The following MDFIC2 variants were observed in gnomAD, a reference collection of about 807,000 sequenced individuals.
MDFIC2 encodes myoD family inhibitor domain-containing protein 2.
chr3:70,281,001 G>T (rs533047178), intron 2 of MDFIC2, among the ~76,000 whole-genome samples: 1 of 152,124 alleles, frequency 6.6e-6, no homozygotes, highest in Admixed American at 6.5e-5. Context: ...TTAAACTTAC[G>T]TATAAAAAAA....
intron 2 of MDFIC2, among the ~76,000 whole-genome samples, chr3:70,230,790 C>T (rs1186335941): frequency 1.3e-5 from 2 of 152,160 alleles, no homozygotes; most frequent in African/African-American, 4.8e-5. Flanking sequence ...ATGGTGAGAC[C>T]AAGGTCCAAA....
intron 2 of MDFIC2, among the ~76,000 whole-genome samples, chr3:70,272,705 T>C (rs914578836): frequency 6.6e-6 from 1 of 152,222 alleles, no homozygotes. Flanking sequence ...TGATTTTAGA[T>C]AGAGTACATT....
At chr3:70,306,425 T>A (rs1280586663) in intron 2 of MDFIC2, among the ~76,000 whole-genome samples, 1 of 152,230 alleles carries the variant, frequency 6.6e-6, no homozygotes, top group Non-Finnish European at 1.5e-5. Context: ...ATCGTTTTTA[T>A]ATCATCAAAG....
chr3:70,223,626 A>C (rs1701478990), intron 2 of MDFIC2, among the ~76,000 whole-genome samples: 1 of 152,106 alleles, frequency 6.6e-6, no homozygotes, highest in South Asian at 2.1e-4. Flanking sequence ...CTTACAGGCT[A>C]TTTCCTGGTA....
rs1486150453 is a variant in MDFIC2 at position 70,291,588 on chromosome 3, A to G, written c.88+20298T>C. ...GGGACAATATGTTAATACTTAGCACAGTGCTGGGAACATCGGATCCACAAA... is the reference window on the plus strand; with the variant it reads ...GGGACAATATGTTAATACTTAGCACGGTGCTGGGAACATCGGATCCACAAA... On this transcript the variant is annotated intron_variant, in intron 2 of 3. Coordinates refer to ENST00000567252, the MANE Select transcript of MDFIC2 (RefSeq NM_001364677.1). Among the ~76,000 whole-genome samples, 3 of 152,160 alleles carry G rather than the reference A, an allele frequency of 2.0e-5. No individual in the cohort carries two copies. In the East Asian group the frequency reaches 5.8e-4, roughly 29 times the overall value.
intron 2 of MDFIC2, among the ~76,000 whole-genome samples, chr3:70,268,515 A>C: frequency 6.7e-6 from 1 of 150,012 alleles, no homozygotes; most frequent in Non-Finnish European, 1.5e-5. Context: ...AGAATGGTGC[A>C]TTTGTTACAA....
At chr3:70,273,574 A>G (rs1701994689) in intron 2 of MDFIC2, among the ~76,000 whole-genome samples, 1 of 152,220 alleles carries the variant, frequency 6.6e-6, no homozygotes, top group Non-Finnish European at 1.5e-5. Flanking sequence ...CTATGAGGAC[A>G]TTAAAAAAAA....
intron 3 of MDFIC2, among the ~76,000 whole-genome samples, chr3:70,203,067 G>A (rs892057007): frequency 6.6e-6 from 1 of 152,012 alleles, no homozygotes; most frequent in African/African-American, 2.4e-5. Flanking sequence ...CTGAGCTGCT[G>A]AAGCACACCT....
chr3:70,276,852 C>T lies in MDFIC2; in HGVS notation c.88+35034G>A, dbSNP rs73836212. 2.8e-3 allele frequency among the ~76,000 whole-genome samples: 420 copies of T among 152,272 alleles called. 2 individuals carry two copies. The highest frequency in any genetic ancestry group is 9.4e-3 in the African/African-American group (389 of 41,536). On this transcript the variant is annotated intron_variant, in intron 2 of 3. Transcript: ENST00000567252. ...CCAACACAGAAAAAAATTGACAAAT[C>T]CTTCAAATTAGATTGTAGTTTTGTC...
chr3:70,226,914 A>T (rs569122567), intron 2 of MDFIC2, among the ~76,000 whole-genome samples: 1 of 152,224 alleles, frequency 6.6e-6, no homozygotes, highest in Admixed American at 6.5e-5. Flanking sequence ...ATTCTGATGA[A>T]GCTTTTGATC....
At chr3:70,232,115 C>T (rs1701564967) in intron 2 of MDFIC2, among the ~76,000 whole-genome samples, 1 of 152,162 alleles carries the variant, frequency 6.6e-6, no homozygotes, top group African/African-American at 2.4e-5. Context: ...GACACGGTGA[C>T]ACTGGCAGCG....
chr3:70,226,869 T>C (rs1203344677), intron 2 of MDFIC2, among the ~76,000 whole-genome samples: 1 of 150,852 alleles, frequency 6.6e-6, no homozygotes, highest in African/African-American at 2.4e-5. Flanking sequence ...TGGTAAGAAG[T>C]GGGATGGAAA....
chr3:70,213,548 AG>A (rs1701370609), intron 2 of MDFIC2, among the ~76,000 whole-genome samples: 1 of 152,162 alleles, frequency 6.6e-6, no homozygotes, highest in Non-Finnish European at 1.5e-5. Context: ...AGACCAAGGC[AG>A]ACAAGTGACA....
chr3:70,260,967 T>C (rs1185479035), intron 2 of MDFIC2, among the ~76,000 whole-genome samples: 2 of 152,210 alleles, frequency 1.3e-5, no homozygotes, highest in African/African-American at 4.8e-5. Flanking sequence ...CTCAAGTTTA[T>C]AATATTTGCA....
chr3:70,255,000 AT>A (rs1187793030), intron 2 of MDFIC2, among the ~76,000 whole-genome samples: 1 of 152,302 alleles, frequency 6.6e-6, no homozygotes, highest in East Asian at 1.9e-4. Context: ...GGACATTTAG[AT>A]TGTTCCTTAT....
chr3:70,267,107 G>A (rs75531531), intron 2 of MDFIC2, among the ~76,000 whole-genome samples: 15,240 of 152,152 alleles, frequency 0.1, 909 homozygotes, highest in South Asian at 0.2. Context: ...AGCTGGGGAG[G>A]GGGTGGGAAG....
chr3:70,204,749 T>G (rs56178488), intron 3 of MDFIC2: 31,208 of 151,664 alleles, frequency 0.21, 3,713 homozygotes, highest in Non-Finnish European at 0.27. Context: ...AAGAGTTAGG[T>G]GTCATGCTAG....
chr3:70,258,727 G>A (rs76577867), intron 2 of MDFIC2, among the ~76,000 whole-genome samples: 5,802 of 152,044 alleles, frequency 0.038, 236 homozygotes, highest in East Asian at 0.21. Context: ...TTTTAATAGC[G>A]AAAACTTTAA....
At chr3:70,215,229 A>T (rs1343105384) in intron 2 of MDFIC2, among the ~76,000 whole-genome samples, 1 of 152,122 alleles carries the variant, frequency 6.6e-6, no homozygotes. Flanking sequence ...AGAGGGTCAG[A>T]GATTTTAGTG....
Sources: allele counts gnomAD v4.1 joint callset (sites outside exome capture counted in the v4.1 genomes callset), GRCh38; gene constraint gnomAD v4.1.1; transcripts MANE v1.5; gene names NCBI Gene and HGNC (gene_info 2026-07-23, HGNC 2026-07-21).